ACYP2: variants seen among roughly 807,000 people sequenced by gnomAD.
ACYP2 encodes the protein acylphosphatase 2.
In ACYP2, 12 loss-of-function variants were observed where a neutral mutation model predicts 11.2. The observed-to-expected ratio is 1.08, with a 90% confidence interval of 0.69 to 1.74. The LOEUF is 1.74. Ranked by LOEUF, ACYP2 falls within the 40% of genes most tolerant of loss-of-function variation. ACYP2 has a pLI of 0.00. For synonymous variants in ACYP2, 43 were observed against 32.2 expected, an observed-to-expected ratio of 1.33 and a Z score of -1.13; for missense variants, 134 against 101.9, an observed-to-expected ratio of 1.31 and a Z score of -1.35.
rs866781132 is a variant in ACYP2, at chr2:54,090,213, G to A, written c.277+32853G>A. Among the ~76,000 whole-genome samples the A allele has an allele frequency of 5.9e-5, 9 of 152,068 alleles. No individual in the cohort carries two copies. In the Middle Eastern group the frequency reaches 0.01, roughly 176 times the overall value. On this transcript the variant is annotated intron_variant, in intron 4 of 6. Transcript: ENST00000607452. ...AACTTTGATGATGAGAAAATGTTGG[G>A]AATCCTCTTCTTGGCATTCAAGCCT...
rs370218769 is a variant in ACYP2 at position 54,144,161 on chromosome 2, T to A, written c.404+5413T>A. The stretch of plus-strand genomic sequence containing the variant: ...ATTTTTAAAAATTTTTTTGTGGAGG[T>A]GAGGTCTCATTACGTTGCCCAGGCT... On this transcript the variant is annotated intron_variant, in intron 6 of 6. Coordinates refer to ENST00000607452, the MANE Select transcript of ACYP2 (RefSeq NM_001320586.2). 1.2e-4 allele frequency among the ~76,000 whole-genome samples: 18 copies of A among 151,832 alleles called. No individual in the cohort carries two copies. In the East Asian group the frequency reaches 1.6e-3, roughly 13 times the overall value.
chr2:54,160,391 T>A (rs1682658905), intron 6 of ACYP2, among the ~76,000 whole-genome samples: 1 of 152,224 alleles, frequency 6.6e-6, no homozygotes, highest in African/African-American at 2.4e-5. Context: ...ATCAGCTTTT[T>A]CAGCCACTCA....
At chr2:53,999,087 T>C (rs1672693346) in intron 2 of ACYP2, among the ~76,000 whole-genome samples, 3 of 152,090 alleles carry the variant, frequency 2.0e-5, no homozygotes, top group Admixed American at 2.0e-4. Flanking sequence ...AAAAAGGATG[T>C]GGGAGGATAT....
intron 6 of ACYP2, among the ~76,000 whole-genome samples, chr2:54,204,142 G>A (rs900046424): frequency 6.6e-6 from 1 of 152,042 alleles, no homozygotes; most frequent in African/African-American, 2.4e-5. Context: ...CTACAGGCAT[G>A]TGCCACCATG....
chr2:54,096,865 A>ACCGT (rs34303696), intron 4 of ACYP2, among the ~76,000 whole-genome samples: 1 of 141,666 alleles, frequency 7.1e-6, no homozygotes, highest in African/African-American at 2.5e-5. Context: ...GGAGAGGGGG[A>ACCGT]GGGGGAGCTA....
chr2:54,033,805 A>T (rs891001393), intron 2 of ACYP2, among the ~76,000 whole-genome samples: 1 of 152,224 alleles, frequency 6.6e-6, no homozygotes, highest in Non-Finnish European at 1.5e-5. Flanking sequence ...TGGTGGTCTG[A>T]AGTAAGGTGT....
At chr2:54,266,586 C>CTT (rs1558655770) in intron 6 of ACYP2, among the ~76,000 whole-genome samples, 2 of 99,176 alleles carry the variant, frequency 2.0e-5, no homozygotes, top group African/African-American at 7.8e-5. Context: ...AGATATCTAT[C>CTT]TATCTTTTTT....
At chr2:54,060,677 T>A (rs1197985196) in intron 4 of ACYP2, among the ~76,000 whole-genome samples, 1 of 152,218 alleles carries the variant, frequency 6.6e-6, no homozygotes, top group Non-Finnish European at 1.5e-5. Flanking sequence ...TTTATCAGAT[T>A]CTCTAGCCAC....
intron 6 of ACYP2, among the ~76,000 whole-genome samples, chr2:54,201,668 TTCTTTCTTTCTTTC>T (rs1446816333): frequency 6.8e-4 from 75 of 109,994 alleles, no homozygotes; most frequent in African/African-American, 2.5e-3. Flanking sequence ...CTTTCTTTCT[TTCTTTCTTTCTTTC>T]TCTCTCTCTC....
intron 2 of ACYP2, chr2:53,973,899 GTGTA>G (rs1199267637): frequency 0.027 from 2,229 of 83,558 alleles, 75 homozygotes; most frequent in Non-Finnish European, 0.037. Context: ...GTGTGTGTGT[GTGTA>G]TATATTTTTT....
At chr2:54,279,835 G>C (rs954827756) in intron 6 of ACYP2, among the ~76,000 whole-genome samples, 1 of 152,092 alleles carries the variant, frequency 6.6e-6, no homozygotes, top group African/African-American at 2.4e-5. Context: ...TAGAACATGA[G>C]TGCACTGGGG....
chr2:54,136,016 C>T (rs1410197378), intron 5 of ACYP2, among the ~76,000 whole-genome samples: 1 of 152,140 alleles, frequency 6.6e-6, no homozygotes, highest in Non-Finnish European at 1.5e-5. Context: ...TCCTGCCTCA[C>T]CCTCCCAAGT....
chr2:54,139,863 T>TA (rs1180142052), intron 6 of ACYP2, among the ~76,000 whole-genome samples: 1 of 152,236 alleles, frequency 6.6e-6, no homozygotes, highest in Non-Finnish European at 1.5e-5. Context: ...CTCTTTCACT[T>TA]AAAAATAGTT....
intron 6 of ACYP2, among the ~76,000 whole-genome samples, chr2:54,197,910 TTTTATTATTTTATTTTA>T (rs1430291509): frequency 8.9e-6 from 1 of 112,920 alleles, no homozygotes; most frequent in South Asian, 4.5e-4. Flanking sequence ...TTTTATTTTA[TTTTATTATTTTATTTTA>T]TTTATGTATG....
intron 6 of ACYP2, among the ~76,000 whole-genome samples, chr2:54,263,067 A>C (rs1166340348): frequency 6.6e-6 from 1 of 152,206 alleles, no homozygotes; most frequent in Non-Finnish European, 1.5e-5. Context: ...GTCATTCTTG[A>C]ATTGCTATAA....
At chr2:54,284,487 G>A (rs1026876512) in intron 6 of ACYP2, among the ~76,000 whole-genome samples, 1 of 152,048 alleles carries the variant, frequency 6.6e-6, no homozygotes, top group African/African-American at 2.4e-5. Context: ...TCTCCTGTGT[G>A]TCTCCACGTG....
At chr2:54,143,947 C>T (rs538211210) in intron 6 of ACYP2, among the ~76,000 whole-genome samples, 1 of 151,882 alleles carries the variant, frequency 6.6e-6, no homozygotes, top group Admixed American at 6.6e-5. Context: ...CTTTAACCAC[C>T]TTTTCAATCT....
At position 54,063,646 on chromosome 2, in the gene ACYP2, C is replaced by T. The variant is rs76482163; in HGVS notation, c.277+6286C>T. Among the ~76,000 whole-genome samples, 5 of 152,380 alleles carry T rather than the reference C, an allele frequency of 3.3e-5. No individual in the cohort carries two copies. In the East Asian group the frequency reaches 5.8e-4, roughly 18 times the overall value. On this transcript the variant is annotated intron_variant, in intron 4 of 6. Transcript: ENST00000607452. ...ATTCTTTCTAGGTTCTGGGAACCAA[C>T]TGTCCACTTATTCCTTTAGATGAGG...
At chr2:54,165,366 T>A (rs1447753871) in intron 6 of ACYP2, among the ~76,000 whole-genome samples, 2 of 152,230 alleles carry the variant, frequency 1.3e-5, no homozygotes, top group African/African-American at 4.8e-5. Context: ...ATTCCAAAGC[T>A]GGCCATTCAT....
Sources: allele counts gnomAD v4.1 joint callset (sites outside exome capture counted in the v4.1 genomes callset), GRCh38; gene constraint gnomAD v4.1.1; transcripts MANE v1.5; gene names NCBI Gene and HGNC (gene_info 2026-07-23, HGNC 2026-07-21).